IL17RD: variants seen among roughly 807,000 people sequenced by gnomAD.
The protein encoded by IL17RD is interleukin-17 receptor D.
Under a neutral mutation model 80.5 loss-of-function variants are expected in IL17RD, and 52 were observed. The ratio of observed to expected loss-of-function variants is 0.65; its 90% CI spans 0.52 to 0.81. The LOEUF (loss-of-function observed/expected upper bound fraction) is 0.81. IL17RD is among the 40% of genes least tolerant of loss of function. IL17RD has a pLI of 0.00. For synonymous variants in IL17RD, 416 were observed against 391.8 expected (o/e 1.06, Z -0.73); for missense variants, 1,024 against 955.1 (o/e 1.07, Z -0.95).
intron 1 of IL17RD, among the ~76,000 whole-genome samples, chr3:57,146,966 T>A (rs1223022940): frequency 6.7e-6 from 1 of 149,072 alleles, no homozygotes; most frequent in African/African-American, 2.5e-5. Flanking sequence ...GGATTACAGG[T>A]GCCCAACAAC....
chr3:57,148,222 G>C (rs1707976941), intron 1 of IL17RD, among the ~76,000 whole-genome samples: 1 of 151,894 alleles, frequency 6.6e-6, no homozygotes, highest in Non-Finnish European at 1.5e-5. Flanking sequence ...CTACTCAGGA[G>C]GCTGAGGCAG....
At chr3:57,110,958 G>A (rs535925569) in intron 3 of IL17RD, among the ~76,000 whole-genome samples, 9 of 152,158 alleles carry the variant, frequency 5.9e-5, no homozygotes, top group Non-Finnish European at 1.0e-4. Context: ...CACCCACAGC[G>A]CCGCTGAAAG....
rs371506589 is a variant in IL17RD, at chr3:57,096,471, G to T, written c.2142C>A (p.Leu714=). The change falls in exon 13 of 13, where the codon CTC becomes CTA. Residue 714 remains leucine (L), a synonymous_variant. Transcript: ENST00000296318. The part of the protein sequence containing the change: ...EEEPPALPSK[L]LSSGSCKADL... ...CTGCTTTGCATGACCCAGAAGAGAG[G>T]AGCTTGGAAGGAAGGGCAGGAGGTT... 1.2e-5 allele frequency: 19 copies of T among 1,613,804 alleles called. No individual in the cohort carries two copies. Among genetic ancestry groups the T allele is most frequent in the Non-Finnish European group, 1.6e-5 (19 of 1,179,806 alleles).
chr3:57,146,045 G>A (rs28449235), intron 1 of IL17RD, among the ~76,000 whole-genome samples: 28,723 of 151,160 alleles, frequency 0.19, 3,330 homozygotes, highest in South Asian at 0.32. Context: ...GCGCGCGCGC[G>A]CACACACACA....
chr3:57,141,019 A>G (rs1347729380), intron 1 of IL17RD, among the ~76,000 whole-genome samples: 1 of 152,016 alleles, frequency 6.6e-6, no homozygotes, highest in Non-Finnish European at 1.5e-5. Context: ...CAGCCTTCTA[A>G]GTAGCTGGGA....
chr3:57,163,785 C>CGGGGGGGGGGGGGGGGGGGGG (rs57632395), intron 1 of IL17RD, among the ~76,000 whole-genome samples: 1 of 15,970 alleles, frequency 6.3e-5, no homozygotes. Context: ...CCTAATGGGG[C>CGGGGGGGGGGGGGGGGGGGGG]GGGGGGGCGG....
At chr3:57,143,204 T>C (rs1343771264) in intron 1 of IL17RD, among the ~76,000 whole-genome samples, 2 of 152,202 alleles carry the variant, frequency 1.3e-5, no homozygotes, top group Non-Finnish European at 2.9e-5. Context: ...AAAGTGTGTT[T>C]AACTCCGCTG....
upstream of IL17RD, among the ~76,000 whole-genome samples, chr3:57,169,703 T>C (rs2060361495): frequency 6.6e-6 from 1 of 152,226 alleles, no homozygotes; most frequent in South Asian, 2.1e-4. Flanking sequence ...TCTGTATTAA[T>C]AAAGACATTA....
chr3:57,132,320 C>A (rs150554563), intron 1 of IL17RD, among the ~76,000 whole-genome samples: 2 of 151,876 alleles, frequency 1.3e-5, no homozygotes, highest in Non-Finnish European at 2.9e-5. Context: ...TTTAGCCAGG[C>A]GTGGTGGCAC....
intron 4 of IL17RD, 100 bp from the exon 5 acceptor site, chr3:57,109,757 C>T (rs1425053837): frequency 8.5e-7 from 1 of 1,170,728 alleles, no homozygotes. Flanking sequence ...CCAGACACAA[C>T]TCCAGAGCTG....
At chr3:57,141,986 GC>G (rs1707837616) in intron 1 of IL17RD, among the ~76,000 whole-genome samples, 1 of 152,054 alleles carries the variant, frequency 6.6e-6, no homozygotes, top group African/African-American at 2.4e-5. Context: ...ACCAAGAGCA[GC>G]CCCTGCCCCA....
At chr3:57,115,842 G>C (rs1364425445) in intron 2 of IL17RD, among the ~76,000 whole-genome samples, 4 of 152,140 alleles carry the variant, frequency 2.6e-5, no homozygotes, top group African/African-American at 9.7e-5. Context: ...TCTGAAGCCA[G>C]GGTGTTTTTA....
rs1208519868 is a variant in IL17RD, at chr3:57,102,532, A to G, written c.926T>C (p.Val309Ala). 39 of 1,579,460 alleles carry G rather than the reference A, an allele frequency of 2.5e-5. No homozygotes were observed. The highest frequency in any genetic ancestry group is 3.2e-5 in the Non-Finnish European group (37 of 1,155,164). Residue 309 changes from valine (V) to alanine (A), a missense_variant, in exon 10 of 13, where the codon GTC (valine) becomes GCC (alanine). Val to Ala is a moderately conservative substitution (Grantham distance 64, BLOSUM62 0). Transcript: ENST00000296318. ...RAVAITVPLV[V>A]ISAFATLFTV... ...GAAGAGCGTCGCGAATGCCGATATG[A>G]CTACCAGTGGCACTGTGATGGCCAC...
chr3:57,142,954 C>A (rs897122115), intron 1 of IL17RD, among the ~76,000 whole-genome samples: 1 of 152,034 alleles, frequency 6.6e-6, no homozygotes, highest in Non-Finnish European at 1.5e-5. Context: ...TAAAGTTTCC[C>A]TTCATTTTCA....
chr3:57,164,938 A>G (rs1171375189), intron 1 of IL17RD: 1 of 1,290,564 alleles, frequency 7.7e-7, no homozygotes, highest in African/African-American at 1.6e-5. Context: ...CATTAGCAAC[A>G]CAAAGCCGGG....
Position 57,144,120 on chromosome 3 carries a change from C to G in IL17RD, c.126+21041G>C, listed in dbSNP as rs570497247. 1.8e-3 allele frequency among the ~76,000 whole-genome samples: 268 copies of G among 152,320 alleles called. 5 individuals are homozygous for G. The South Asian group carries it at 0.031, about 18-fold the overall frequency. On this transcript the variant is annotated intron_variant, in intron 1 of 12. Transcript: ENST00000296318. ...TAGTAAACTGCTGCAGGTGGAGGCA[C>G]TGGTTTCAACCACGGTCCCTTCCCA... is the stretch of plus-strand genomic sequence containing the variant.
At chr3:57,139,300 T>C (rs1214672656) in intron 1 of IL17RD, among the ~76,000 whole-genome samples, 1 of 152,170 alleles carries the variant, frequency 6.6e-6, no homozygotes, top group Non-Finnish European at 1.5e-5. Context: ...ACAGTCAAAA[T>C]AAAGAATATT....
Position 57,094,196 on chromosome 3 carries a change from A to G in IL17RD, c.*2197T>C, listed in dbSNP as rs1706619646. The G allele has an allele frequency of 3.3e-5, 5 of 152,224 alleles. No homozygotes were observed. Among genetic ancestry groups the G allele is most frequent in the Admixed American group, 6.5e-5 (1 of 15,284 alleles). 9.4% of individuals were successfully genotyped at this position (152,224 alleles called of 1,614,324 possible). ...CTGCAGGGCAACGATTCCCATTTCT[A>G]GCATACTGGGGAGAGTAGAAAAAGT... On this transcript the variant is annotated 3_prime_UTR_variant, in exon 13 of 13. Transcript: ENST00000296318.
chr3:57,161,548 G>T (rs953147090), intron 1 of IL17RD, among the ~76,000 whole-genome samples: 3 of 152,186 alleles, frequency 2.0e-5, no homozygotes, highest in Non-Finnish European at 4.4e-5. Context: ...TCTTGCAGGG[G>T]GAGTAGGAAT....
Sources: allele counts gnomAD v4.1 joint callset (sites outside exome capture counted in the v4.1 genomes callset), GRCh38; gene constraint gnomAD v4.1.1; transcripts MANE v1.5; gene names NCBI Gene and HGNC (gene_info 2026-07-23, HGNC 2026-07-21).